RXFP1: variants seen among roughly 807,000 people sequenced by gnomAD.
RXFP1 encodes the protein relaxin family peptide receptor 1.
Under a neutral mutation model 89.8 loss-of-function variants are expected in RXFP1, and 73 were observed. The ratio of observed to expected loss-of-function variants is 0.81; its 90% CI spans 0.67 to 0.99. The LOEUF (loss-of-function observed/expected upper bound fraction) is 0.99, where lower values mean the gene tolerates loss of function less well. Ranked by LOEUF, RXFP1 falls within the 50% of genes least tolerant of loss-of-function variation. RXFP1 has a pLI of 0.00. For synonymous variants in RXFP1, 277 were observed against 305.5 expected (o/e 0.91, Z 0.97); for missense variants, 793 against 895.5 (o/e 0.89, Z 1.46).
At chr4:158,557,706 A>G (rs1751604067) in intron 1 of RXFP1, among the ~76,000 whole-genome samples, 1 of 152,220 alleles carries the variant, frequency 6.6e-6, no homozygotes, top group African/African-American at 2.4e-5. Flanking sequence ...CAAATTAAAA[A>G]CTGTAATTCA....
intron 2 of RXFP1, among the ~76,000 whole-genome samples, chr4:158,591,199 G>T (rs748496338): frequency 8.2e-4 from 125 of 152,216 alleles, no homozygotes; most frequent in Middle Eastern, 3.2e-3. Flanking sequence ...ATTCTAAAGT[G>T]GGGGTAGAAT....
chr4:158,535,999 C>G (rs1745197521), intron 1 of RXFP1, among the ~76,000 whole-genome samples: 1 of 152,072 alleles, frequency 6.6e-6, no homozygotes, highest in Admixed American at 6.6e-5. Flanking sequence ...CTATAATGGA[C>G]AATAGATGGA....
intron 11 of RXFP1, among the ~76,000 whole-genome samples, chr4:158,629,116 C>A (rs147190249): frequency 0.06 from 9,081 of 151,532 alleles, 395 homozygotes; most frequent in Middle Eastern, 0.11. Context: ...AGTGGCATGA[C>A]CTCGGCTCAC....
chr4:158,561,459 T>C (rs1317621158), intron 1 of RXFP1, among the ~76,000 whole-genome samples: 1 of 152,152 alleles, frequency 6.6e-6, no homozygotes, highest in Non-Finnish European at 1.5e-5. Flanking sequence ...GTATAAAGTA[T>C]ATATGAAACA....
chr4:158,618,212 C>T (rs1320781091), intron 9 of RXFP1, among the ~76,000 whole-genome samples: 3 of 152,056 alleles, frequency 2.0e-5, no homozygotes, highest in Non-Finnish European at 2.9e-5. Flanking sequence ...CAAATGAATA[C>T]ATTAGCATCT....
intron 16 of RXFP1, 78 bp downstream of exon 16, chr4:158,647,279 T>C: frequency 8.6e-7 from 1 of 1,161,990 alleles, no homozygotes; most frequent in East Asian, 2.4e-5. Flanking sequence ...AGAATGAGGG[T>C]GAATTCTATC....
Position 158,588,152 on chromosome 4 carries a change from C to T in RXFP1, c.188-5249C>T, listed in dbSNP as rs147747332. On this transcript the variant is annotated intron_variant, in intron 2 of 17. Transcript: ENST00000307765. ...GGCTCCTGATCCCATCCCCAGAACC[C>T]ACGTGACTCTTTTTTTTAGGCAACC... Among the ~76,000 whole-genome samples, 535 of 152,220 alleles carry T rather than the reference C, an allele frequency of 3.5e-3. 4 individuals are homozygous for T. Among genetic ancestry groups the T allele is most frequent in the Middle Eastern group, 0.01 (3 of 294 alleles).
At chr4:158,567,465 T>C (rs886190014) in intron 1 of RXFP1, among the ~76,000 whole-genome samples, 2 of 152,090 alleles carry the variant, frequency 1.3e-5, no homozygotes, top group East Asian at 3.9e-4. Flanking sequence ...AACACACCAA[T>C]CAGCACCCTG....
At chr4:158,619,323 T>C (rs538813105) in intron 9 of RXFP1, among the ~76,000 whole-genome samples, 1 of 152,278 alleles carries the variant, frequency 6.6e-6, no homozygotes, top group South Asian at 2.1e-4. Flanking sequence ...AGTCATAATT[T>C]TGTGGAGCCC....
At chr4:158,544,374 A>C in intron 1 of RXFP1, 1 of 984,916 alleles carries the variant, frequency 1.0e-6, no homozygotes, top group African/African-American at 1.7e-5. Flanking sequence ...AAAGAGGGAC[A>C]GATCACCCAG....
intron 9 of RXFP1, among the ~76,000 whole-genome samples, chr4:158,626,136 A>ATAGATAGATAGATAGT (rs1561157660): frequency 4.7e-5 from 7 of 148,256 alleles, no homozygotes; most frequent in African/African-American, 1.5e-4. Context: ...AGATAGATAG[A>ATAGATAGATAGATAGT]TAGATAGATA....
chr4:158,526,848 G>A (rs1742620177), intron 1 of RXFP1, among the ~76,000 whole-genome samples: 1 of 152,092 alleles, frequency 6.6e-6, no homozygotes, highest in Non-Finnish European at 1.5e-5. Context: ...TCACCAGCTG[G>A]TCTAGGCCAC....
intron 9 of RXFP1, among the ~76,000 whole-genome samples, chr4:158,625,536 C>A (rs569359378): frequency 1.3e-5 from 2 of 152,170 alleles, no homozygotes; most frequent in East Asian, 3.9e-4. Context: ...TCAAATATAT[C>A]TCTCATTTTG....
intron 14 of RXFP1, among the ~76,000 whole-genome samples, 193 bp from the exon 15 acceptor site, chr4:158,644,714 CAT>C (rs1376602223): frequency 6.6e-6 from 1 of 152,226 alleles, no homozygotes; most frequent in East Asian, 1.9e-4. Context: ...CTCACCCACA[CAT>C]TCTTTAACAA....
intron 1 of RXFP1, among the ~76,000 whole-genome samples, chr4:158,542,110 T>TATATA (rs56793848): frequency 5.1e-4 from 7 of 13,704 alleles, no homozygotes; most frequent in African/African-American, 9.7e-4. Flanking sequence ...TATATATATA[T>TATATA]TTTTTTTTTA....
intron 1 of RXFP1, among the ~76,000 whole-genome samples, chr4:158,530,835 G>A (rs764116379): frequency 2.0e-4 from 30 of 152,166 alleles, no homozygotes; most frequent in Non-Finnish European, 4.0e-4. Context: ...CTCAACCACT[G>A]AGCATTCGTC....
intron 1 of RXFP1, among the ~76,000 whole-genome samples, chr4:158,528,906 C>CA (rs1743275774): frequency 6.6e-6 from 1 of 152,170 alleles, no homozygotes; most frequent in African/African-American, 2.4e-5. Flanking sequence ...TCTTTCCCAC[C>CA]AAAAAAGAAT....
At chr4:158,545,135 C>A (rs1747935850) in intron 1 of RXFP1, among the ~76,000 whole-genome samples, 1 of 151,426 alleles carries the variant, frequency 6.6e-6, no homozygotes, top group South Asian at 2.1e-4. Flanking sequence ...TTAATGATTG[C>A]CATTCTAACT....
chr4:158,608,819 C>T (rs957029399), intron 6 of RXFP1, among the ~76,000 whole-genome samples: 1 of 152,120 alleles, frequency 6.6e-6, no homozygotes, highest in African/African-American at 2.4e-5. Flanking sequence ...CAGCCCCTGG[C>T]AACCATCATT....
Sources: gnomAD v4.1 joint callset for allele counts (sites outside exome capture counted in the v4.1 genomes callset) on GRCh38, gnomAD v4.1.1 for gene constraint, MANE v1.5 for transcripts, NCBI Gene and HGNC (gene_info 2026-07-23, HGNC 2026-07-21) for gene names.